SLC14A2: variants seen among roughly 807,000 people sequenced by gnomAD.
SLC14A2 encodes urea transporter 2.
In SLC14A2, 91 loss-of-function variants were observed where a neutral mutation model predicts 104.6. The observed-to-expected ratio is 0.87, with a 90% CI of 0.73 to 1.04. The LOEUF (loss-of-function observed/expected upper bound fraction) is 1.04. Ranked by LOEUF, SLC14A2 falls within the 50% of genes least tolerant of loss-of-function variation. SLC14A2 has a pLI of 0.00. For synonymous variants in SLC14A2, 476 were observed against 466.4 expected, an observed-to-expected ratio of 1.02 and a Z score of -0.27; for missense variants, 1,189 against 1,156.0, an observed-to-expected ratio of 1.03 and a Z score of -0.41.
intron 1 of SLC14A2, among the ~76,000 whole-genome samples, chr18:45,283,457 G>A (rs114207001): frequency 0.033 from 4,630 of 138,344 alleles, 252 homozygotes; most frequent in African/African-American, 0.11. Context: ...TTCTGAACAC[G>A]TTGAGTCTCC....
At chr18:45,576,272 CT>C (rs776335445) in intron 2 of SLC14A2, among the ~76,000 whole-genome samples, 6,998 of 90,390 alleles carry the variant, frequency 0.077, 113 homozygotes, top group Non-Finnish European at 0.11. Flanking sequence ...GGAGCAGGGG[CT>C]TTTTTTTTTT....
At chr18:45,310,842 C>A (rs2085071089) in intron 1 of SLC14A2, among the ~76,000 whole-genome samples, 1 of 152,122 alleles carries the variant, frequency 6.6e-6, no homozygotes, top group Non-Finnish European at 1.5e-5. Context: ...GTACAGCAGG[C>A]CAAATGCCAG....
At chr18:45,223,807 C>A (rs1323391638) in intron 1 of SLC14A2, among the ~76,000 whole-genome samples, 1 of 152,196 alleles carries the variant, frequency 6.6e-6, no homozygotes, top group Non-Finnish European at 1.5e-5. Context: ...AACCCAGAGA[C>A]CTTCAAGGCT....
At chr18:45,331,352 G>A (rs1041796292) in intron 1 of SLC14A2, among the ~76,000 whole-genome samples, 11 of 152,280 alleles carry the variant, frequency 7.2e-5, no homozygotes, top group East Asian at 1.9e-4. Context: ...TCTAAAGATG[G>A]CAAAGAAGTA....
At chr18:45,543,584 G>A (rs147925119) in intron 2 of SLC14A2, among the ~76,000 whole-genome samples, 22 of 152,304 alleles carry the variant, frequency 1.4e-4, no homozygotes, top group African/African-American at 4.8e-4. Flanking sequence ...AAGATTCTCT[G>A]ATATTTGAAA....
At chr18:45,425,864 AT>A (rs910062605) in intron 1 of SLC14A2, among the ~76,000 whole-genome samples, 14 of 150,816 alleles carry the variant, frequency 9.3e-5, no homozygotes, top group South Asian at 8.4e-4. Context: ...GTCCTAGGGT[AT>A]TTTTTTTTAA....
chr18:45,388,226 C>T (rs954177920), intron 1 of SLC14A2, among the ~76,000 whole-genome samples: 1 of 151,820 alleles, frequency 6.6e-6, no homozygotes, highest in African/African-American at 2.4e-5. Context: ...ACACGCCCGG[C>T]TAATTTTTTG....
At chr18:45,220,839 T>C (rs2084054611) in intron 1 of SLC14A2, among the ~76,000 whole-genome samples, 1 of 152,238 alleles carries the variant, frequency 6.6e-6, no homozygotes, top group Non-Finnish European at 1.5e-5. Context: ...AAAATTAAGA[T>C]GTTGGCAAAA....
Position 45,641,297 on chromosome 18 carries a change from G to A in SLC14A2, c.1080G>A (p.Met360Ile), listed in dbSNP as rs1444256202. The A allele has an allele frequency of 1.2e-6, 2 of 1,614,204 alleles. No homozygotes were observed. The highest frequency in any genetic ancestry group is 2.2e-5 in the East Asian group (1 of 44,884). Residue 360 changes from methionine to isoleucine, a missense_variant, in exon 8 of 20, where the codon ATG becomes ATA. Met to Ile is a conservative substitution (Grantham distance 10, BLOSUM62 1). Coordinates refer to ENST00000255226, the MANE Select transcript of SLC14A2 (RefSeq NM_007163.4). ...CVLSCIAIGGMFYALTWQTHL... is the reference protein window; with the variant it reads ...CVLSCIAIGGIFYALTWQTHL... The stretch of plus-strand genomic sequence containing the variant: ...TCTCCTGCATCGCCATCGGAGGCAT[G>A]TTCTATGCCCTCACCTGGCAGACTC...
chr18:45,192,622 G>C, the SLC14A2 span, among the ~76,000 whole-genome samples: 1 of 135,146 alleles, frequency 7.4e-6, no homozygotes, highest in Admixed American at 7.2e-5. Context: ...TTTTGTGTGT[G>C]TGTGTGTGTG....
At chr18:45,537,931 G>A (rs79818913) in intron 2 of SLC14A2, among the ~76,000 whole-genome samples, 2 of 152,148 alleles carry the variant, frequency 1.3e-5, no homozygotes, top group Admixed American at 6.5e-5. Flanking sequence ...ATAAAAATGT[G>A]GTGCCATCAA....
chr18:45,219,568 T>A (rs1014460576), intron 1 of SLC14A2, among the ~76,000 whole-genome samples: 6 of 152,190 alleles, frequency 3.9e-5, no homozygotes, highest in African/African-American at 1.2e-4. Flanking sequence ...ATGAGACTCA[T>A]GGAGAAAGAT....
chr18:45,514,544 G>GAACTTGAT (rs1268605322), intron 2 of SLC14A2, among the ~76,000 whole-genome samples: 1 of 152,198 alleles, frequency 6.6e-6, no homozygotes, highest in Admixed American at 6.5e-5. Context: ...CCTTGTAGAT[G>GAACTTGAT]AACTTGATGT....
chr18:45,237,566 C>T (rs1419219881), intron 1 of SLC14A2, among the ~76,000 whole-genome samples: 1 of 152,286 alleles, frequency 6.6e-6, no homozygotes, highest in Non-Finnish European at 1.5e-5. Context: ...GGAGTGGTGG[C>T]GAATCGTAAA....
intron 1 of SLC14A2, among the ~76,000 whole-genome samples, chr18:45,453,799 C>T (rs1598842249): frequency 6.6e-6 from 1 of 151,766 alleles, no homozygotes; most frequent in South Asian, 2.1e-4. Flanking sequence ...CTGCCCTCTC[C>T]CTCAACCAAA....
chr18:45,439,735 C>G (rs1020827114), intron 1 of SLC14A2, among the ~76,000 whole-genome samples: 4 of 152,302 alleles, frequency 2.6e-5, no homozygotes, highest in African/African-American at 9.6e-5. Flanking sequence ...GGCACCACAT[C>G]CACATCAGCA....
At chr18:45,530,531 A>C (rs1022450994) in intron 2 of SLC14A2, among the ~76,000 whole-genome samples, 1 of 152,096 alleles carries the variant, frequency 6.6e-6, no homozygotes, top group Non-Finnish European at 1.5e-5. Context: ...CCCACTTGCT[A>C]TTCAGGTTCT....
intron 1 of SLC14A2, among the ~76,000 whole-genome samples, chr18:45,261,363 A>G (rs1236117614): frequency 1.3e-5 from 2 of 151,098 alleles, no homozygotes; most frequent in African/African-American, 4.9e-5. Flanking sequence ...TTATGGCTGC[A>G]TAGTATTCTA....
chr18:45,230,995 G>T (rs900944937), intron 1 of SLC14A2, among the ~76,000 whole-genome samples: 2 of 152,128 alleles, frequency 1.3e-5, no homozygotes, highest in Non-Finnish European at 2.9e-5. Context: ...CAACAAAAGT[G>T]TATTGGCAAG....
Sources: gnomAD v4.1 joint callset for allele counts (sites outside exome capture counted in the v4.1 genomes callset) on GRCh38, gnomAD v4.1.1 for gene constraint, MANE v1.5 for transcripts, NCBI Gene and HGNC (gene_info 2026-07-23, HGNC 2026-07-21) for gene names.